The following ARMH3 variants were observed in gnomAD, a reference collection of about 807,000 sequenced individuals.
ARMH3 encodes armadillo like helical domain containing 3.
ARMH3 carries 60 observed loss-of-function variants against 99.1 expected under a neutral mutation model. The ratio of observed to expected loss-of-function variants is 0.61; its 90% confidence interval spans 0.49 to 0.75. ARMH3 has a LOEUF of 0.75. Ranked by LOEUF, ARMH3 falls within the 30% of genes least tolerant of loss-of-function variation. ARMH3 has a pLI of 0.00. For synonymous variants in ARMH3, 285 were observed against 292.8 expected, an observed-to-expected ratio of 0.97 and a Z score of 0.27; for missense variants, 679 against 843.1, an observed-to-expected ratio of 0.81 and a Z score of 2.41.
chr10:101,856,926 G>A (rs1399816436), intron 24 of ARMH3, among the ~76,000 whole-genome samples: 1 of 152,126 alleles, frequency 6.6e-6, no homozygotes, highest in Non-Finnish European at 1.5e-5. Flanking sequence ...TAATGAGTTT[G>A]TTCCACAGCA....
chr10:101,849,247 T>C (rs1040126902), intron 25 of ARMH3, among the ~76,000 whole-genome samples: 1 of 152,092 alleles, frequency 6.6e-6, no homozygotes, highest in South Asian at 2.1e-4. Flanking sequence ...GGACCATCAA[T>C]AGGGCTAGCT....
At chr10:102,024,656 CAA>C (rs775755608) in intron 6 of ARMH3, among the ~76,000 whole-genome samples, 2 of 129,098 alleles carry the variant, frequency 1.5e-5, no homozygotes, top group African/African-American at 5.8e-5. Flanking sequence ...ACTAAAAGTA[CAA>C]AAAAAAAAAA....
chr10:102,049,862 C>T (rs1404292931), intron 1 of ARMH3, among the ~76,000 whole-genome samples: 4 of 152,094 alleles, frequency 2.6e-5, no homozygotes, highest in African/African-American at 4.8e-5. Flanking sequence ...CGGCCCCAAC[C>T]TATTTTTACA....
intron 1 of ARMH3, among the ~76,000 whole-genome samples, chr10:102,047,661 A>AT (rs2067589294): frequency 1.3e-5 from 2 of 151,792 alleles, no homozygotes; most frequent in South Asian, 2.1e-4. Context: ...TAATTTTTGC[A>AT]TTTTTTTGTA....
At chr10:101,866,046 C>T (rs1389564723) in intron 24 of ARMH3, among the ~76,000 whole-genome samples, 1 of 151,630 alleles carries the variant, frequency 6.6e-6, no homozygotes, top group Non-Finnish European at 1.5e-5. Flanking sequence ...CATGGCGAAA[C>T]CCCATCTCTA....
At chr10:101,922,617 A>G (rs1843347765) in intron 23 of ARMH3, among the ~76,000 whole-genome samples, 1 of 152,148 alleles carries the variant, frequency 6.6e-6, no homozygotes, top group African/African-American at 2.4e-5. Context: ...TTTATTATAT[A>G]TATTCATTAA....
chr10:101,911,710 G>A (rs930243930), intron 23 of ARMH3, among the ~76,000 whole-genome samples: 1 of 152,180 alleles, frequency 6.6e-6, no homozygotes, highest in Non-Finnish European at 1.5e-5. Context: ...AAGCCTGAGC[G>A]ACAGAGCAAC....
At chr10:101,971,905 C>T (rs145962247) in intron 20 of ARMH3, among the ~76,000 whole-genome samples, 98 of 152,300 alleles carry the variant, frequency 6.4e-4, no homozygotes, top group Non-Finnish European at 1.2e-3. Flanking sequence ...CAGAGAAGAG[C>T]TTTCAAACTT....
At chr10:101,927,418 G>C (rs192287884) in intron 23 of ARMH3, among the ~76,000 whole-genome samples, 52 of 152,272 alleles carry the variant, frequency 3.4e-4, no homozygotes, top group African/African-American at 1.2e-3. Context: ...ATAATATTCT[G>C]CAGCAAACTG....
intron 23 of ARMH3, among the ~76,000 whole-genome samples, chr10:101,915,041 T>C (rs1319724473): frequency 2.0e-5 from 3 of 152,098 alleles, no homozygotes; most frequent in Admixed American, 6.6e-5. Flanking sequence ...CCATTTGACA[T>C]AGATGGCTAT....
chr10:101,853,050 A>ATTTTTT (rs747143889), intron 24 of ARMH3, among the ~76,000 whole-genome samples: 5,086 of 129,350 alleles, frequency 0.039, 134 homozygotes, highest in Non-Finnish European at 0.056. Flanking sequence ...TGCTTGGCTA[A>ATTTTTT]TTTTTTTTTT....
intron 23 of ARMH3, among the ~76,000 whole-genome samples, chr10:101,891,023 T>C (rs2067675815): frequency 6.6e-6 from 1 of 151,934 alleles, no homozygotes; most frequent in Non-Finnish European, 1.5e-5. Flanking sequence ...TACAGGCATG[T>C]GCCACCATGT....
chr10:102,050,212 G>A (rs546082717), intron 1 of ARMH3, among the ~76,000 whole-genome samples: 2 of 152,052 alleles, frequency 1.3e-5, no homozygotes, highest in East Asian at 1.9e-4. Flanking sequence ...GGAGGCCGAG[G>A]AGGGCAGATC....
intron 19 of ARMH3, among the ~76,000 whole-genome samples, chr10:101,989,323 C>A (rs1006718519): frequency 3.9e-5 from 6 of 151,998 alleles, no homozygotes; most frequent in African/African-American, 1.4e-4. Flanking sequence ...CTGCTTGAGC[C>A]TAGGAGTTGA....
chr10:101,980,616 C>T (rs1190215013), intron 19 of ARMH3, among the ~76,000 whole-genome samples: 1 of 152,060 alleles, frequency 6.6e-6, no homozygotes, highest in Non-Finnish European at 1.5e-5. Flanking sequence ...CTTTCAAGTT[C>T]TATGGCTATA....
intron 23 of ARMH3, among the ~76,000 whole-genome samples, chr10:101,922,790 A>G (rs940656587): frequency 6.6e-6 from 1 of 152,192 alleles, no homozygotes; most frequent in African/African-American, 2.4e-5. Context: ...ATGAGATCCA[A>G]CTACAGATAG....
intron 23 of ARMH3, among the ~76,000 whole-genome samples, chr10:101,906,068 CTT>C (rs1280859777): frequency 1.3e-5 from 2 of 152,140 alleles, no homozygotes; most frequent in Admixed American, 1.3e-4. Context: ...ATTTGTGAGA[CTT>C]ATTCTGATTT....
At chr10:102,005,033 T>A (rs1245760579) in intron 14 of ARMH3, among the ~76,000 whole-genome samples, 1 of 151,738 alleles carries the variant, frequency 6.6e-6, no homozygotes, top group Admixed American at 6.6e-5. Context: ...TGAAACCCCA[T>A]CTCTACTAAA....
chr10:101,851,164 G>A (rs959965609), intron 24 of ARMH3, among the ~76,000 whole-genome samples: 1 of 152,154 alleles, frequency 6.6e-6, no homozygotes, highest in Non-Finnish European at 1.5e-5. Flanking sequence ...ACATCTCTCT[G>A]ATTTTCTATG....
Sources: gnomAD v4.1 joint callset for allele counts (sites outside exome capture counted in the v4.1 genomes callset) on GRCh38, gnomAD v4.1.1 for gene constraint, MANE v1.5 for transcripts, NCBI Gene and HGNC (gene_info 2026-07-23, HGNC 2026-07-21) for gene names.